Variants in GABRB2 observed in about 807,000 individuals in gnomAD.
GABRB2 encodes the protein gamma-aminobutyric acid receptor subunit beta-2.
A neutral mutation model predicts 54.7 loss-of-function variants in GABRB2; 16 were observed. The ratio of observed to expected loss-of-function variants is 0.29; its 90% CI spans 0.20 to 0.44. GABRB2 has a LOEUF of 0.44. Ranked by LOEUF, GABRB2 falls within the 20% of genes least tolerant of loss-of-function variation. GABRB2 has a pLI of 1.00. For synonymous variants in GABRB2, 244 were observed against 233.8 expected (o/e 1.04, Z -0.40); for missense variants, 355 against 644.0 (o/e 0.55, Z 4.86).
rs185492524 is a variant in GABRB2 at position 161,533,406 on chromosome 5, G to A, written c.237+11821C>T. On this transcript the variant is annotated intron_variant, in intron 3 of 9. Coordinates refer to ENST00000393959, the MANE Select transcript of GABRB2 (RefSeq NM_001371727.1). ...ACAGTCTGTTTCAAAGTATCTTTAT[G>A]CCATCCAAAAATGTAATTGATTTTG... 9.2e-4 allele frequency among the ~76,000 whole-genome samples: 140 copies of A among 152,078 alleles called. 1 individual carries two copies. The highest frequency in any genetic ancestry group is 3.2e-3 in the African/African-American group (131 of 41,490).
chr5:161,325,192 C>A (rs1758327347), intron 9 of GABRB2, among the ~76,000 whole-genome samples: 1 of 152,036 alleles, frequency 6.6e-6, no homozygotes, highest in South Asian at 2.1e-4. Context: ...AATCAGTCTA[C>A]TTTAATTTCA....
At chr5:161,365,286 G>A (rs754361127) in intron 5 of GABRB2, among the ~76,000 whole-genome samples, 2 of 152,152 alleles carry the variant, frequency 1.3e-5, no homozygotes, top group African/African-American at 2.4e-5. Flanking sequence ...ATGGCTTAGA[G>A]GAAGAACTTA....
intron 9 of GABRB2, among the ~76,000 whole-genome samples, chr5:161,295,703 A>T (rs1233104681): frequency 3.9e-5 from 6 of 152,232 alleles, no homozygotes; most frequent in Non-Finnish European, 7.3e-5. Flanking sequence ...ATGGCCATGT[A>T]TTATAAATTC....
At chr5:161,472,873 G>A (rs1200920926) in intron 3 of GABRB2, among the ~76,000 whole-genome samples, 4 of 151,762 alleles carry the variant, frequency 2.6e-5, no homozygotes, top group Non-Finnish European at 4.4e-5. Context: ...TAACACTTGG[G>A]TTGAACCATT....
At position 161,290,426 on chromosome 5, in the gene GABRB2, G is replaced by A. The variant is rs1757205370; in HGVS notation, c.*3655C>T. 1 of 152,520 alleles carries A rather than the reference G, an allele frequency of 6.6e-6. No homozygotes were observed. Among genetic ancestry groups the A allele is most frequent in the Non-Finnish European group, 1.5e-5 (1 of 68,006 alleles). 9.4% of individuals were successfully genotyped at this position (152,520 alleles called of 1,614,324 possible). ...TTCTGGGGTACAGTACTATTGTCGA[G>A]TTGAACTGTGCAATGGTTCATAAAA... is the stretch of plus-strand genomic sequence containing the variant. On this transcript the variant is annotated 3_prime_UTR_variant, in exon 10 of 10. Coordinates refer to ENST00000393959, the MANE Select transcript of GABRB2 (RefSeq NM_001371727.1).
At chr5:161,523,599 T>C (rs560656396) in intron 3 of GABRB2, among the ~76,000 whole-genome samples, 28 of 151,712 alleles carry the variant, frequency 1.8e-4, no homozygotes, top group African/African-American at 6.5e-4. Flanking sequence ...ATGTACAATC[T>C]GGTACTCCTG....
chr5:161,466,305 C>T (rs541889206), intron 3 of GABRB2, among the ~76,000 whole-genome samples: 15 of 152,072 alleles, frequency 9.9e-5, no homozygotes, highest in Admixed American at 1.3e-4. Flanking sequence ...GCTGGGCTTC[C>T]GCACTGTGAA....
intron 5 of GABRB2, among the ~76,000 whole-genome samples, chr5:161,346,929 T>C (rs1477975833): frequency 6.6e-6 from 1 of 152,110 alleles, no homozygotes; most frequent in African/African-American, 2.4e-5. Flanking sequence ...AGCTATTTAG[T>C]ACATATTTAC....
chr5:161,522,941 A>ATG (rs1291791195), intron 3 of GABRB2, among the ~76,000 whole-genome samples: 102 of 150,358 alleles, frequency 6.8e-4, no homozygotes, highest in African/African-American at 1.0e-3. Flanking sequence ...AAATTTGTGT[A>ATG]TGTGTGTGTG....
rs576585835 is a variant in GABRB2 at position 161,383,032 on chromosome 5, C to T, written c.541+27943G>A. Among the ~76,000 whole-genome samples, 9 of 152,256 alleles carry T rather than the reference C, an allele frequency of 5.9e-5. No individual in the cohort carries two copies. The East Asian group carries it at 1.5e-3, about 26-fold the overall frequency. Reference sequence around the variant, plus strand: ...TTTTTCTCCTCTACCTTTGTCTACTCAATGTTTTGTTTTCCCTTTTTTCTT... The same window carrying T: ...TTTTTCTCCTCTACCTTTGTCTACTTAATGTTTTGTTTTCCCTTTTTTCTT... On this transcript the variant is annotated intron_variant, in intron 5 of 9. Transcript: ENST00000393959.
At chr5:161,326,877 A>T (rs1758379786) in intron 8 of GABRB2, 3 of 572,026 alleles carry the variant, frequency 5.2e-6, no homozygotes, top group South Asian at 1.5e-4. Flanking sequence ...CACGGTGGTA[A>T]AAAGGCAAGA....
intron 3 of GABRB2, among the ~76,000 whole-genome samples, chr5:161,462,399 C>T (rs942686164): frequency 3.3e-5 from 5 of 152,036 alleles, no homozygotes; most frequent in Non-Finnish European, 5.9e-5. Flanking sequence ...AACCTAAAAA[C>T]AGGACATAAA....
intron 3 of GABRB2, among the ~76,000 whole-genome samples, chr5:161,525,690 T>G (rs1035132692): frequency 6.6e-6 from 1 of 151,280 alleles, no homozygotes; most frequent in Admixed American, 6.6e-5. Flanking sequence ...TTGCCTAGAT[T>G]GAATTATAAG....
At chr5:161,317,887 T>C (rs1018418279) in intron 9 of GABRB2, among the ~76,000 whole-genome samples, 1 of 151,966 alleles carries the variant, frequency 6.6e-6, no homozygotes, top group East Asian at 1.9e-4. Context: ...TTTTAAGAAA[T>C]ATGATAAATA....
intron 3 of GABRB2, among the ~76,000 whole-genome samples, chr5:161,480,832 A>G (rs1758740594): frequency 6.6e-6 from 1 of 152,040 alleles, no homozygotes; most frequent in Non-Finnish European, 1.5e-5. Context: ...TTATCCATTA[A>G]GAAATGCATA....
At chr5:161,544,122 T>C (rs1339583787) in intron 3 of GABRB2, among the ~76,000 whole-genome samples, 2 of 152,218 alleles carry the variant, frequency 1.3e-5, no homozygotes, top group Admixed American at 6.5e-5. Flanking sequence ...ATTTATATAA[T>C]GTTGAGAACT....
chr5:161,513,936 A>G (rs1044639267), intron 3 of GABRB2, among the ~76,000 whole-genome samples: 2 of 152,170 alleles, frequency 1.3e-5, no homozygotes, highest in African/African-American at 4.8e-5. Context: ...CTATAATATT[A>G]CTAAAATTTA....
chr5:161,425,866 G>A (rs1756983878), intron 4 of GABRB2, among the ~76,000 whole-genome samples: 2 of 152,086 alleles, frequency 1.3e-5, no homozygotes. Flanking sequence ...TATAATATGT[G>A]ATGAGGATGT....
At chr5:161,351,266 G>C (rs1326714947) in intron 5 of GABRB2, among the ~76,000 whole-genome samples, 2 of 152,070 alleles carry the variant, frequency 1.3e-5, no homozygotes, top group African/African-American at 4.8e-5. Flanking sequence ...AAAGAGCAAA[G>C]CTGGAGGCAT....
Sources: allele counts gnomAD v4.1 joint callset (sites outside exome capture counted in the v4.1 genomes callset), GRCh38; gene constraint gnomAD v4.1.1; transcripts MANE v1.5; gene names NCBI Gene and HGNC (gene_info 2026-07-23, HGNC 2026-07-21).